The following TAF2 variants were observed in gnomAD, a reference collection of about 807,000 sequenced individuals.
The protein encoded by TAF2 is transcription initiation factor TFIID subunit 2.
In TAF2, 61 loss-of-function variants were observed where a neutral mutation model predicts 138.5. That is an observed-to-expected ratio of 0.44 (90% CI 0.36 to 0.54). The LOEUF (loss-of-function observed/expected upper bound fraction) is 0.54. Ranked by LOEUF, TAF2 falls within the 20% of genes least tolerant of loss-of-function variation. TAF2 has a pLI of 0.00. For synonymous variants in TAF2, 475 were observed against 469.9 expected, an observed-to-expected ratio of 1.01 and a Z score of -0.14; for missense variants, 1,090 against 1,427.9, an observed-to-expected ratio of 0.76 and a Z score of 3.81.
At chr8:119,764,671 G>C (rs894098839) in intron 18 of TAF2, among the ~76,000 whole-genome samples, 5 of 152,124 alleles carry the variant, frequency 3.3e-5, no homozygotes, top group African/African-American at 1.2e-4. Flanking sequence ...ACAGGAATAG[G>C]CACATTTCAA....
rs1267752571 is a variant in TAF2, at chr8:119,825,751, C to G, written c.138+5926G>C. Among the ~76,000 whole-genome samples the G allele has an allele frequency of 3.9e-5, 6 of 152,100 alleles. No homozygotes were observed. The East Asian group carries it at 1.2e-3, about 29-fold the overall frequency. On this transcript the variant is annotated intron_variant, in intron 2 of 25. Coordinates refer to ENST00000378164, the MANE Select transcript of TAF2 (RefSeq NM_003184.4). ...CCAGGCTGGAGGGCAGTGGTGCGAT[C>G]TTGGCTCACTGCAAGCTCTGCCTCC... is the stretch of plus-strand genomic sequence containing the variant.
At chr8:119,789,261 T>G (rs1311927030) in intron 12 of TAF2, among the ~76,000 whole-genome samples, 1 of 152,138 alleles carries the variant, frequency 6.6e-6, no homozygotes, top group Non-Finnish European at 1.5e-5. Context: ...CTACCACACC[T>G]CACAAGTAAT....
chr8:119,785,325 TA>T, intron 14 of TAF2, 59 bp from the exon 15 acceptor site: 2 of 1,145,136 alleles, frequency 1.7e-6, no homozygotes, highest in Admixed American at 3.5e-5. Flanking sequence ...GAATGGACAT[TA>T]ACAGCAGCTA....
Position 119,730,909 on chromosome 8 carries a change from C to T in TAF2, c.*1015G>A, listed in dbSNP as rs1466205568. 6.6e-6 allele frequency: 1 copy of T among 152,106 alleles called. No individual in the cohort carries two copies. Among genetic ancestry groups the T allele is most frequent in the Non-Finnish European group, 1.5e-5 (1 of 68,010 alleles). The allele number at this position is 152,106 out of a possible 1,614,324, so 9.4% of individuals were successfully genotyped here. A position where few individuals can be genotyped will look rare whatever the true frequency, so the allele number is the denominator to read the frequency against. Reference sequence around the variant, plus strand: ...AAATTGAACAGATATAAAAAATATTCTTAAACAAATATTAAAGCACATGGA... The same window carrying T: ...AAATTGAACAGATATAAAAAATATTTTTAAACAAATATTAAAGCACATGGA... On this transcript the variant is annotated 3_prime_UTR_variant, in exon 26 of 26. Coordinates refer to ENST00000378164, the MANE Select transcript of TAF2 (RefSeq NM_003184.4).
At chr8:119,792,052 C>T (rs916659878) in intron 10 of TAF2, among the ~76,000 whole-genome samples, 27 of 151,824 alleles carry the variant, frequency 1.8e-4, no homozygotes, top group African/African-American at 4.8e-4. Context: ...AATTTGTTTA[C>T]AAATTATCAC....
chr8:119,747,084 C>A, intron 22 of TAF2, 150 bp from the exon 23 acceptor site: 1 of 788,938 alleles, frequency 1.3e-6, no homozygotes, highest in Non-Finnish European at 2.1e-6. Flanking sequence ...AGACATCAAC[C>A]AAAAATCTAA....
At chr8:119,765,393 G>A (rs1186556402) in intron 18 of TAF2, among the ~76,000 whole-genome samples, 1 of 152,114 alleles carries the variant, frequency 6.6e-6, no homozygotes, top group African/African-American at 2.4e-5. Context: ...AGGAGGATAC[G>A]CTGATCTTAG....
chr8:119,827,470 T>C (rs1206830165), intron 2 of TAF2, among the ~76,000 whole-genome samples: 1 of 152,200 alleles, frequency 6.6e-6, no homozygotes, highest in Non-Finnish European at 1.5e-5. Flanking sequence ...ATCTTTCCTC[T>C]CAAACCTGCT....
chr8:119,782,949 C>A (rs1474188535), intron 16 of TAF2, among the ~76,000 whole-genome samples: 1 of 151,922 alleles, frequency 6.6e-6, no homozygotes, highest in African/African-American at 2.4e-5. Flanking sequence ...TCGAGACCAG[C>A]CTGGGCAACA....
Position 119,817,301 on chromosome 8 carries a change from T to C in TAF2, c.299+2045A>G, listed in dbSNP as rs1014389411. Among the ~76,000 whole-genome samples the C allele has an allele frequency of 3.9e-5, 6 of 152,152 alleles. 1 individual carries two copies. The highest frequency in any genetic ancestry group is 1.4e-4 in the African/African-American group (6 of 41,436). On this transcript the variant is annotated intron_variant, in intron 3 of 25. Coordinates refer to ENST00000378164, the MANE Select transcript of TAF2 (RefSeq NM_003184.4). ...AGGTGAGTAGCGGGTGAGCAAGCAT[T>C]ACCTTCTGAGCTTTGCCTCCTGTCA...
intron 17 of TAF2, among the ~76,000 whole-genome samples, chr8:119,779,582 G>A (rs1291876582): frequency 6.6e-6 from 1 of 152,152 alleles, no homozygotes; most frequent in Admixed American, 6.5e-5. Flanking sequence ...GGATGCCACA[G>A]ACTTCTTTGA....
intron 18 of TAF2, among the ~76,000 whole-genome samples, chr8:119,776,780 G>T (rs1184391412): frequency 2.6e-5 from 4 of 152,020 alleles, no homozygotes; most frequent in African/African-American, 9.7e-5. Context: ...TTCCTACATG[G>T]GTCCTACTCA....
intron 2 of TAF2, among the ~76,000 whole-genome samples, chr8:119,828,117 A>T (rs1037100786): frequency 2.0e-5 from 3 of 152,192 alleles, no homozygotes; most frequent in Admixed American, 6.5e-5. Flanking sequence ...ACCTCAGGTG[A>T]TCCATCCGCC....
chr8:119,744,990 T>A (rs1299825144), intron 23 of TAF2: 5 of 456,140 alleles, frequency 1.1e-5, no homozygotes, highest in Non-Finnish European at 2.2e-5. Context: ...TCCCTGCTGA[T>A]GAGCTGATAT....
intron 3 of TAF2, among the ~76,000 whole-genome samples, chr8:119,816,320 G>T (rs902123386): frequency 6.6e-6 from 1 of 151,594 alleles, no homozygotes; most frequent in Non-Finnish European, 1.5e-5. Flanking sequence ...GCCTCCCAGA[G>T]TGCTGGGATT....
chr8:119,822,092 T>G (rs1291535003), intron 2 of TAF2, among the ~76,000 whole-genome samples: 1 of 152,170 alleles, frequency 6.6e-6, no homozygotes, highest in East Asian at 1.9e-4. Context: ...ATTTGCTTAA[T>G]AAATGCTTTT....
chr8:119,831,618 G>T, intron 2 of TAF2, 59 bp downstream of exon 2: 1 of 1,267,210 alleles, frequency 7.9e-7, no homozygotes, highest in Non-Finnish European at 1.1e-6. Context: ...TGTGAGGGGT[G>T]GATTGTTACT....
At chr8:119,829,550 T>C (rs1826310826) in intron 2 of TAF2, among the ~76,000 whole-genome samples, 1 of 152,030 alleles carries the variant, frequency 6.6e-6, no homozygotes, top group Admixed American at 6.6e-5. Flanking sequence ...TGTATATATA[T>C]GTATGTGTAT....
At chr8:119,742,729 G>A (rs1586292037) in intron 24 of TAF2, 73 bp from the exon 25 acceptor site, 2 of 1,563,228 alleles carry the variant, frequency 1.3e-6, no homozygotes, top group East Asian at 4.7e-5. Flanking sequence ...AGGCTGACAG[G>A]TTTTTATAAG....
Sources: gnomAD v4.1 joint callset for allele counts (sites outside exome capture counted in the v4.1 genomes callset) on GRCh38, gnomAD v4.1.1 for gene constraint, MANE v1.5 for transcripts, NCBI Gene and HGNC (gene_info 2026-07-23, HGNC 2026-07-21) for gene names.